The following ANK2 variants were observed in gnomAD, a reference collection of about 807,000 sequenced individuals.
ANK2 encodes ankyrin-2.
Under a neutral mutation model 360.5 loss-of-function variants are expected in ANK2, and 83 were observed. The ratio of observed to expected loss-of-function variants is 0.23; its 90% confidence interval spans 0.19 to 0.28. The LOEUF is 0.28. Ranked by LOEUF, ANK2 falls within the 10% of genes least tolerant of loss-of-function variation. The pLI is 1.00. For synonymous variants in ANK2, 1,740 were observed against 1,759.5 expected, an observed-to-expected ratio of 0.99 and a Z score of 0.28; for missense variants, 4,201 against 4,795.7, an observed-to-expected ratio of 0.88 and a Z score of 3.66.
At chr4:112,738,623 CT>C in the ANK2 span, 1 of 537,090 alleles carries the variant, frequency 1.9e-6, no homozygotes, top group African/African-American at 1.9e-5. Flanking sequence ...CATTCTAGCT[CT>C]TCCTCTGGGC....
At chr4:113,083,131 T>A (rs1018750818) in intron 1 of ANK2, among the ~76,000 whole-genome samples, 1 of 152,108 alleles carries the variant, frequency 6.6e-6, no homozygotes, top group African/African-American at 2.4e-5. Context: ...ATGTGCACAA[T>A]GTGCAGGTTA....
intron 2 of ANK2, among the ~76,000 whole-genome samples, chr4:113,035,377 A>AT (rs1180365114): frequency 6.6e-6 from 1 of 151,798 alleles, no homozygotes; most frequent in Non-Finnish European, 1.5e-5. Flanking sequence ...TCAGTTTGGG[A>AT]TTTCAGGTAG....
intron 2 of ANK2, among the ~76,000 whole-genome samples, chr4:113,036,757 G>A (rs1367497217): frequency 6.6e-6 from 1 of 151,572 alleles, no homozygotes; most frequent in African/African-American, 2.4e-5. Flanking sequence ...GCAGAGGCAC[G>A]GACTGTCTTT....
intron 2 of ANK2, among the ~76,000 whole-genome samples, chr4:112,950,387 G>A (rs866214271): frequency 2.6e-5 from 4 of 152,304 alleles, no homozygotes; most frequent in South Asian, 2.1e-4. Context: ...GCTCACGCCC[G>A]TAATCCCAGC....
the ANK2 span, among the ~76,000 whole-genome samples, chr4:112,747,629 AG>A: frequency 6.6e-6 from 1 of 152,176 alleles, no homozygotes; most frequent in African/African-American, 2.4e-5. Flanking sequence ...TTAAGTTCTG[AG>A]AATTAAGTAA....
At chr4:112,874,080 C>CTTT (rs544871774) in intron 1 of ANK2, among the ~76,000 whole-genome samples, 44 of 122,106 alleles carry the variant, frequency 3.6e-4, no homozygotes, top group East Asian at 7.6e-4. Context: ...TTGGGGTTCT[C>CTTT]TTTTTTTTTT....
chr4:112,868,771 G>GT (rs1350249401), intron 1 of ANK2, among the ~76,000 whole-genome samples: 1 of 152,064 alleles, frequency 6.6e-6, no homozygotes, highest in African/African-American at 2.4e-5. Flanking sequence ...GTTTTGATAT[G>GT]TATATATACA....
rs190894660 is a variant in ANK2, at chr4:112,830,084, C to T, written c.-40+11820C>T. Among the ~76,000 whole-genome samples the T allele has an allele frequency of 2.6e-5, 4 of 152,306 alleles. No homozygotes were observed. In the East Asian group the frequency reaches 7.7e-4, roughly 29 times the overall value. On this transcript the variant is annotated intron_variant, in intron 1 of 30. Coordinates refer to the ANK2 transcript ENST00000503271. ...AAACTAGGTCAGCCACTATGGAAAG[C>T]AGTTTGAAGATTTCTCAAAGAACTT...
intron 1 of ANK2, among the ~76,000 whole-genome samples, chr4:113,065,709 C>T (rs903180737): frequency 3.3e-5 from 5 of 152,188 alleles, no homozygotes; most frequent in African/African-American, 1.2e-4. Flanking sequence ...AGCAAAGCCC[C>T]TGATCTACTG....
chr4:113,363,961 T>C (rs2096388071), intron 40 of ANK2, among the ~76,000 whole-genome samples: 1 of 152,192 alleles, frequency 6.6e-6, no homozygotes, highest in Non-Finnish European at 1.5e-5. Flanking sequence ...ATACAAATTG[T>C]TGTCAAATGA....
At chr4:112,960,994 T>C (rs923833253) in intron 2 of ANK2, among the ~76,000 whole-genome samples, 7 of 152,168 alleles carry the variant, frequency 4.6e-5, no homozygotes, top group Non-Finnish European at 7.4e-5. Flanking sequence ...GTCATTCTTG[T>C]GTAGCAATTT....
upstream of ANK2, chr4:113,049,554 AAC>A: frequency 1.6e-6 from 2 of 1,283,704 alleles, no homozygotes; most frequent in South Asian, 2.8e-5. Context: ...CAGTCAGATA[AAC>A]AGTTGTGGCA....
chr4:113,265,483 A>G (rs1270820398), intron 14 of ANK2, among the ~76,000 whole-genome samples: 9 of 151,886 alleles, frequency 5.9e-5, no homozygotes, highest in African/African-American at 2.2e-4. Flanking sequence ...TTTTTATGAT[A>G]TTTACTTTTC....
At chr4:113,246,642 A>G (rs920891502) in intron 9 of ANK2, among the ~76,000 whole-genome samples, 2 of 152,206 alleles carry the variant, frequency 1.3e-5, no homozygotes, top group Non-Finnish European at 2.9e-5. Flanking sequence ...AGCAAACAAT[A>G]AAAAGTGTAC....
intron 15 of ANK2, among the ~76,000 whole-genome samples, chr4:113,275,964 C>T (rs1387791434): frequency 8.0e-4 from 90 of 112,652 alleles, no homozygotes; most frequent in African/African-American, 2.9e-3. Flanking sequence ...TTTTTTGAGA[C>T]GGAGTCTCGC....
intron 2 of ANK2, among the ~76,000 whole-genome samples, chr4:113,181,844 A>G (rs1416926543): frequency 1.3e-5 from 2 of 152,076 alleles, no homozygotes; most frequent in Non-Finnish European, 2.9e-5. Flanking sequence ...GGTTGGGGAG[A>G]GCAGAAAGCA....
chr4:113,115,732 C>G (rs1357339849), intron 1 of ANK2, among the ~76,000 whole-genome samples: 1 of 152,082 alleles, frequency 6.6e-6, no homozygotes, highest in Non-Finnish European at 1.5e-5. Context: ...TGAGACTTTA[C>G]GTTCTTCATT....
intron 1 of ANK2, among the ~76,000 whole-genome samples, chr4:113,091,530 T>C (rs910972759): frequency 2.6e-5 from 4 of 152,208 alleles, no homozygotes; most frequent in Admixed American, 2.0e-4. Flanking sequence ...AGCAAAACGG[T>C]CCAAATGTCT....
intron 45 of ANK2, among the ~76,000 whole-genome samples, chr4:113,379,358 G>A (rs1199582802): frequency 1.3e-5 from 2 of 152,146 alleles, no homozygotes; most frequent in Non-Finnish European, 2.9e-5. Context: ...ACTCCATAGA[G>A]TTTCCACAGC....
Sources: allele counts gnomAD v4.1 joint callset (sites outside exome capture counted in the v4.1 genomes callset), GRCh38; gene constraint gnomAD v4.1.1; transcripts MANE v1.5; gene names NCBI Gene and HGNC (gene_info 2026-07-23, HGNC 2026-07-21).